DLC1: variants seen among roughly 807,000 people sequenced by gnomAD.
The protein encoded by DLC1 is DLC1 Rho GTPase activating protein.
DLC1 carries 54 observed loss-of-function variants against 140.3 expected under a neutral mutation model. That is an observed-to-expected ratio of 0.38 (90% CI 0.31 to 0.48). The LOEUF (loss-of-function observed/expected upper bound fraction) is 0.48. Ranked by LOEUF, DLC1 falls within the 20% of genes least tolerant of loss-of-function variation. DLC1 has a pLI of 0.96. For synonymous variants in DLC1, 986 were observed against 728.1 expected (o/e 1.35, Z -5.70); for missense variants, 2,536 against 1,907.0 (o/e 1.33, Z -6.14).
At chr8:13,216,423 C>G (rs931661577) in intron 5 of DLC1, among the ~76,000 whole-genome samples, 5 of 152,048 alleles carry the variant, frequency 3.3e-5, no homozygotes, top group Non-Finnish European at 5.9e-5. Flanking sequence ...CTAGTCACTG[C>G]TTCCTTTCAT....
intron 1 of DLC1, among the ~76,000 whole-genome samples, chr8:13,561,676 A>C (rs1424792111): frequency 6.6e-6 from 1 of 152,178 alleles, no homozygotes; most frequent in African/African-American, 2.4e-5. Context: ...GCTTTGCAAT[A>C]ATAGCAGTTT....
At chr8:13,337,837 G>C (rs1833873018) in intron 4 of DLC1, among the ~76,000 whole-genome samples, 1 of 152,084 alleles carries the variant, frequency 6.6e-6, no homozygotes, top group African/African-American at 2.4e-5. Context: ...AATTAAACAA[G>C]AGTGTAAAGA....
intron 5 of DLC1, among the ~76,000 whole-genome samples, chr8:13,259,159 AGAG>A (rs1461587081): frequency 3.3e-5 from 5 of 149,632 alleles, no homozygotes; most frequent in African/African-American, 9.8e-5. Context: ...AAAAAAAAAA[AGAG>A]AAAATCAAAA....
At chr8:13,485,965 C>T (rs1474094628) in intron 2 of DLC1, among the ~76,000 whole-genome samples, 1 of 152,208 alleles carries the variant, frequency 6.6e-6, no homozygotes, top group East Asian at 1.9e-4. Context: ...CGCTAGCTAA[C>T]TTCCTTTATC....
At chr8:13,339,650 G>A (rs1262096386) in intron 4 of DLC1, 2 of 152,122 alleles carry the variant, frequency 1.3e-5, no homozygotes, top group Non-Finnish European at 2.9e-5. Context: ...TTAACAATCA[G>A]AACCTCTAAA....
At chr8:13,242,137 T>G (rs552318408) in intron 5 of DLC1, among the ~76,000 whole-genome samples, 6 of 152,178 alleles carry the variant, frequency 3.9e-5, no homozygotes, top group Non-Finnish European at 7.3e-5. Flanking sequence ...AGTAAGGCAG[T>G]AATGTCCTCA....
intron 2 of DLC1, among the ~76,000 whole-genome samples, chr8:13,451,763 A>T (rs909889934): frequency 6.6e-6 from 1 of 152,176 alleles, no homozygotes; most frequent in Non-Finnish European, 1.5e-5. Flanking sequence ...TTATTCATTC[A>T]TGTGTTGATG....
chr8:13,366,190 G>A (rs1463952301), intron 4 of DLC1, among the ~76,000 whole-genome samples: 1 of 152,196 alleles, frequency 6.6e-6, no homozygotes, highest in Non-Finnish European at 1.5e-5. Flanking sequence ...CCTATTGGGA[G>A]CCCAGGGCTG....
intron 2 of DLC1, among the ~76,000 whole-genome samples, chr8:13,423,971 A>T (rs1838437296): frequency 6.6e-6 from 1 of 152,226 alleles, no homozygotes; most frequent in South Asian, 2.1e-4. Context: ...TTGCTCAGCA[A>T]AACGTAATCC....
At chr8:13,273,686 C>CTGTGTGTG (rs59265902) in intron 5 of DLC1, among the ~76,000 whole-genome samples, 2,200 of 62,512 alleles carry the variant, frequency 0.035, 96 homozygotes, top group South Asian at 0.049. Context: ...AGAACTGTGC[C>CTGTGTGTG]TGTGTGTGTG....
At chr8:13,544,809 T>G (rs1286425577) in intron 1 of DLC1, among the ~76,000 whole-genome samples, 1 of 152,222 alleles carries the variant, frequency 6.6e-6, no homozygotes, top group African/African-American at 2.4e-5. Flanking sequence ...AAGCTTCATT[T>G]CTTTTGGGAA....
chr8:13,343,479 G>T (rs1043518038), intron 4 of DLC1, among the ~76,000 whole-genome samples: 12 of 152,120 alleles, frequency 7.9e-5, no homozygotes, highest in African/African-American at 2.9e-4. Context: ...GTTACAAGAT[G>T]GGGAAGAAAT....
chr8:13,458,177 CAA>C (rs894902283), intron 2 of DLC1, among the ~76,000 whole-genome samples: 96 of 152,250 alleles, frequency 6.3e-4, no homozygotes, highest in African/African-American at 2.3e-3. Flanking sequence ...CTTTAACAGA[CAA>C]ATTATCTGAG....
At chr8:13,140,207 T>G (rs1215341631) in intron 5 of DLC1, among the ~76,000 whole-genome samples, 1 of 152,226 alleles carries the variant, frequency 6.6e-6, no homozygotes, top group Non-Finnish European at 1.5e-5. Context: ...TTTCTTTTTC[T>G]TAACAAGTTT....
rs1817462015 is a variant in DLC1, at chr8:13,085,292, G to A, written c.*519C>T. 1 of 152,836 alleles carries A rather than the reference G, an allele frequency of 6.5e-6. No individual in the cohort carries two copies. The highest frequency in any genetic ancestry group is 1.5e-5 in the Non-Finnish European group (1 of 68,222). 9.5% of individuals were successfully genotyped at this position (152,836 alleles called of 1,614,324 possible). On this transcript the variant is annotated 3_prime_UTR_variant, in exon 18 of 18. Coordinates refer to ENST00000276297, the MANE Select transcript of DLC1 (RefSeq NM_182643.3). ...CTCCTTCTTGGAGGTGTCTCAGTGTGCCAGACACTGAATCCACCTTAGACA... is the reference window on the plus strand; with the variant it reads ...CTCCTTCTTGGAGGTGTCTCAGTGTACCAGACACTGAATCCACCTTAGACA...
intron 2 of DLC1, among the ~76,000 whole-genome samples, chr8:13,453,676 A>G (rs985038886): frequency 3.4e-5 from 5 of 148,388 alleles, no homozygotes; most frequent in African/African-American, 1.2e-4. Flanking sequence ...CCTCAAAAGA[A>G]TTTATAGAAA....
intron 2 of DLC1, among the ~76,000 whole-genome samples, chr8:13,449,162 C>T (rs557732199): frequency 7.9e-5 from 12 of 152,246 alleles, no homozygotes; most frequent in South Asian, 4.2e-4. Context: ...ATTCAAAGAT[C>T]GCTGGGCTTG....
At chr8:13,209,883 C>CT (rs34308566) in intron 5 of DLC1, among the ~76,000 whole-genome samples, 3 of 152,082 alleles carry the variant, frequency 2.0e-5, no homozygotes, top group Non-Finnish European at 4.4e-5. Context: ...AATTAAACCT[C>CT]TTTTTTTGCA....
At chr8:13,126,092 CAA>C (rs1229188069) in intron 5 of DLC1, among the ~76,000 whole-genome samples, 1 of 152,094 alleles carries the variant, frequency 6.6e-6, no homozygotes, top group African/African-American at 2.4e-5. Context: ...TCTTCCCTGG[CAA>C]AGGCAACAGC....
Sources: allele counts gnomAD v4.1 joint callset (sites outside exome capture counted in the v4.1 genomes callset), GRCh38; gene constraint gnomAD v4.1.1; transcripts MANE v1.5; gene names NCBI Gene and HGNC (gene_info 2026-07-23, HGNC 2026-07-21).